Variants in ZNF704 observed in about 807,000 individuals in gnomAD.
ZNF704 encodes the protein glucocorticoid induced gene 1.
Under a neutral mutation model 44.7 loss-of-function variants are expected in ZNF704, and 10 were observed. The observed-to-expected ratio is 0.22, with a 90% CI of 0.14 to 0.38. The LOEUF is 0.38. Ranked by LOEUF, ZNF704 falls within the 10% of genes least tolerant of loss-of-function variation. The pLI is 1.00. For synonymous variants in ZNF704, 211 were observed against 207.6 expected (o/e 1.02, Z -0.14); for missense variants, 390 against 545.5 (o/e 0.71, Z 2.84).
intron 2 of ZNF704, among the ~76,000 whole-genome samples, chr8:80,808,547 T>C (rs1319012078): frequency 6.6e-6 from 1 of 152,182 alleles, no homozygotes; most frequent in Non-Finnish European, 1.5e-5. Context: ...AAAATAAACA[T>C]GAAGGAGAAC....
At chr8:80,792,147 T>C (rs1586030617) in intron 2 of ZNF704, among the ~76,000 whole-genome samples, 1 of 152,102 alleles carries the variant, frequency 6.6e-6, no homozygotes, top group African/African-American at 2.4e-5. Flanking sequence ...CATGAAAGCA[T>C]GGGAAAGAGA....
At chr8:80,833,466 T>G (rs2129935081) in intron 1 of ZNF704, among the ~76,000 whole-genome samples, 1 of 152,364 alleles carries the variant, frequency 6.6e-6, no homozygotes, top group Admixed American at 6.5e-5. Flanking sequence ...CTCCTTATTT[T>G]AAATTACATT....
intron 1 of ZNF704, among the ~76,000 whole-genome samples, chr8:80,841,963 A>AT (rs1188351547): frequency 2.0e-5 from 3 of 151,740 alleles, no homozygotes; most frequent in Non-Finnish European, 4.4e-5. Flanking sequence ...TAGTTTTTTA[A>AT]TTTTTTCATT....
Position 80,698,882 on chromosome 8 carries a change from C to A in ZNF704, c.222-5775G>T, listed in dbSNP as rs138277878. Among the ~76,000 whole-genome samples, 11 of 152,276 alleles carry A rather than the reference C, an allele frequency of 7.2e-5. No individual in the cohort carries two copies. The East Asian group carries it at 2.1e-3, about 29-fold the overall frequency. ...CAAGAAGCCTTTTCCTTCTTTTGAG[C>A]CACTTCCTGCCTGAATACTGCCTGC... On this transcript the variant is annotated intron_variant, in intron 2 of 8. Transcript: ENST00000327835.
intron 2 of ZNF704, among the ~76,000 whole-genome samples, chr8:80,694,058 G>A (rs1386473354): frequency 6.6e-6 from 1 of 152,142 alleles, no homozygotes; most frequent in Non-Finnish European, 1.5e-5. Flanking sequence ...TGAGCAAAAG[G>A]GAGCGAGGAA....
intron 2 of ZNF704, among the ~76,000 whole-genome samples, chr8:80,753,299 ACT>A (rs1806979317): frequency 6.6e-6 from 1 of 152,016 alleles, no homozygotes; most frequent in Admixed American, 6.5e-5. Flanking sequence ...GCAAAGCCAA[ACT>A]CTTCCTTCCT....
intron 2 of ZNF704, among the ~76,000 whole-genome samples, chr8:80,709,232 C>T (rs577561560): frequency 6.6e-6 from 1 of 151,794 alleles, no homozygotes; most frequent in East Asian, 1.9e-4. Flanking sequence ...ATCACGAGGT[C>T]AGGAGATCAA....
chr8:80,766,217 G>A (rs1318737365), intron 2 of ZNF704, among the ~76,000 whole-genome samples: 1 of 152,058 alleles, frequency 6.6e-6, no homozygotes, highest in African/African-American at 2.4e-5. Flanking sequence ...TCGGCCAACA[G>A]GCACCCTTCT....
intron 1 of ZNF704, among the ~76,000 whole-genome samples, chr8:80,852,728 A>G (rs1480835867): frequency 2.0e-5 from 3 of 152,200 alleles, no homozygotes; most frequent in Non-Finnish European, 4.4e-5. Context: ...TTGTGCATCG[A>G]AAAAACACAT....
intron 2 of ZNF704, among the ~76,000 whole-genome samples, chr8:80,730,843 GA>G (rs1806569439): frequency 6.6e-6 from 1 of 152,082 alleles, no homozygotes. Context: ...TATAAATTGA[GA>G]AATGAAAGAT....
chr8:80,820,273 T>C (rs977861047), intron 2 of ZNF704, among the ~76,000 whole-genome samples: 2 of 152,208 alleles, frequency 1.3e-5, no homozygotes, highest in Admixed American at 6.5e-5. Context: ...ACAAATGATA[T>C]GCAAGAAAGT....
At chr8:80,836,472 T>C (rs967181861) in intron 1 of ZNF704, among the ~76,000 whole-genome samples, 1 of 152,150 alleles carries the variant, frequency 6.6e-6, no homozygotes, top group African/African-American at 2.4e-5. Flanking sequence ...TTCTATTCTA[T>C]ATCAGCTACA....
At chr8:80,796,021 A>G (rs1315648779) in intron 2 of ZNF704, among the ~76,000 whole-genome samples, 1 of 152,222 alleles carries the variant, frequency 6.6e-6, no homozygotes, top group Admixed American at 6.5e-5. Flanking sequence ...TAAATGGAGA[A>G]ACATAGCTAT....
chr8:80,846,007 G>A (rs191188799), intron 1 of ZNF704, among the ~76,000 whole-genome samples: 30 of 152,076 alleles, frequency 2.0e-4, no homozygotes, highest in African/African-American at 6.7e-4. Context: ...TTAAAGAATC[G>A]CTTTATTTTC....
rs910287988 is a variant in ZNF704, at chr8:80,628,626, T to A, written c.*12740A>T. 1 of 152,242 alleles carries A rather than the reference T, an allele frequency of 6.6e-6. No individual in the cohort carries two copies. The highest frequency in any genetic ancestry group is 6.5e-5 in the Admixed American group (1 of 15,280). The allele number at this position is 152,242 out of a possible 1,614,324, so 9.4% of individuals were successfully genotyped here. On this transcript the variant is annotated 3_prime_UTR_variant, in exon 9 of 9. Transcript: ENST00000327835. The stretch of plus-strand genomic sequence containing the variant: ...GCCAGTGCAACCCCAGGTAGAACCA[T>A]CCACAAAGTAAGTACAGGTCAACAA...
chr8:80,671,775 T>C (rs1472897069), intron 4 of ZNF704, among the ~76,000 whole-genome samples: 1 of 152,180 alleles, frequency 6.6e-6, no homozygotes. Context: ...ATCACATCAC[T>C]GAATTAGGGC....
rs1470254945 is a variant in ZNF704 at position 80,635,077 on chromosome 8, T to G, written c.*6289A>C. On this transcript the variant is annotated 3_prime_UTR_variant, in exon 9 of 9. Coordinates refer to ENST00000327835, the MANE Select transcript of ZNF704 (RefSeq NM_001033723.3). ...CACCTCATAAGAGCTGCCCAACGGGTGTATGGCTGTTCTATCTCAGCTTTG... is the reference window on the plus strand; with the variant it reads ...CACCTCATAAGAGCTGCCCAACGGGGGTATGGCTGTTCTATCTCAGCTTTG... The G allele has an allele frequency of 6.6e-6, 1 of 152,234 alleles. No individual in the cohort carries two copies. Among genetic ancestry groups the G allele is most frequent in the Non-Finnish European group, 1.5e-5 (1 of 68,032 alleles). The allele number at this position is 152,234 out of a possible 1,614,324, so 9.4% of individuals were successfully genotyped here. A position where few individuals can be genotyped will look rare whatever the true frequency, so the allele number is the denominator to read the frequency against.
chr8:80,877,900 G>A (rs1563586970), upstream of ZNF704, among the ~76,000 whole-genome samples: 1 of 152,212 alleles, frequency 6.6e-6, no homozygotes, highest in Non-Finnish European at 1.5e-5. Context: ...TGGAGGTTTA[G>A]TATAAAGAAA....
chr8:80,766,293 AG>A (rs965778315), intron 2 of ZNF704, among the ~76,000 whole-genome samples: 16 of 152,246 alleles, frequency 1.1e-4, no homozygotes, highest in African/African-American at 3.4e-4. Context: ...CAAAGCAGCA[AG>A]GGTCAAACAT....
Sources: gnomAD v4.1 joint callset for allele counts (sites outside exome capture counted in the v4.1 genomes callset) on GRCh38, gnomAD v4.1.1 for gene constraint, MANE v1.5 for transcripts, NCBI Gene and HGNC (gene_info 2026-07-23, HGNC 2026-07-21) for gene names.